Variants in ZFC3H1 observed in about 807,000 individuals in gnomAD.
ZFC3H1 encodes the protein zinc finger C3H1-type containing.
A neutral mutation model predicts 243.7 loss-of-function variants in ZFC3H1; 71 were observed. That is an observed-to-expected ratio of 0.29 (90% CI 0.24 to 0.36). The LOEUF is 0.36. ZFC3H1 is among the 10% of genes least tolerant of loss of function. ZFC3H1 has a pLI of 1.00. For synonymous variants in ZFC3H1, 838 were observed against 813.0 expected, an observed-to-expected ratio of 1.03 and a Z score of -0.52; for missense variants, 1,966 against 2,317.1, an observed-to-expected ratio of 0.85 and a Z score of 3.11.
chr12:71,629,376 AG>A (rs1264436580), intron 19 of ZFC3H1, among the ~76,000 whole-genome samples: 23 of 152,166 alleles, frequency 1.5e-4, no homozygotes, highest in Admixed American at 1.2e-3. Flanking sequence ...CATGTTGGCC[AG>A]GCTGGTCTCG....
At position 71,638,529 on chromosome 12, in the gene ZFC3H1, T is replaced by G; in HGVS notation, c.1628-14A>C. 1 of 1,586,234 alleles carries G rather than the reference T, an allele frequency of 6.3e-7. No individual in the cohort carries two copies. The stretch of plus-strand genomic sequence containing the variant: ...CTGGTGAAGGAGCTGTAAAAAAATT[T>G]TTTGTTAAGAGTTTAATAACAGAAA... On this transcript the variant is annotated splice_polypyrimidine_tract_variant and intron_variant, in intron 6 of 34. Coordinates refer to ENST00000378743, the MANE Select transcript of ZFC3H1 (RefSeq NM_144982.5).
rs757891770 is a variant in ZFC3H1 at position 71,627,947 on chromosome 12, A to G, written c.3947-13T>C. 1.2e-6 allele frequency: 2 copies of G among 1,608,364 alleles called. No homozygotes were observed. Among genetic ancestry groups the G allele is most frequent in the Non-Finnish European group, 8.5e-7 (1 of 1,178,648 alleles). On this transcript the variant is annotated splice_polypyrimidine_tract_variant and intron_variant, in intron 20 of 34. Transcript: ENST00000378743. ...TCTGGCTGGAAAGCTATTTAAAAAA[A>G]AAGTATTATTAGCTTCACATTTTCT...
At chr12:71,648,426 C>A (rs932667702) in intron 2 of ZFC3H1, among the ~76,000 whole-genome samples, 1 of 152,168 alleles carries the variant, frequency 6.6e-6, no homozygotes, top group Non-Finnish European at 1.5e-5. Context: ...TTAAACATCA[C>A]ATGATAAAGT....
intron 2 of ZFC3H1, chr12:71,656,550 C>A: frequency 1.5e-6 from 1 of 653,920 alleles, no homozygotes; most frequent in Non-Finnish European, 2.7e-6. Flanking sequence ...CCTCCTTTAC[C>A]CGATAAGGGA....
At chr12:71,617,934 T>C (rs773127363) in intron 27 of ZFC3H1, among the ~76,000 whole-genome samples, 10 of 152,116 alleles carry the variant, frequency 6.6e-5, no homozygotes, top group Admixed American at 1.3e-4. Context: ...GGGAATAGTG[T>C]CCCCAAATCT....
In ZFC3H1 at chr12:71,656,936, C is replaced by CT; in HGVS notation, c.963dup (p.Asp322ArgfsTer14). On this transcript the variant is annotated frameshift_variant, in exon 2 of 35. Transcript: ENST00000378743. LOFTEE classifies it high-confidence loss of function. ...TTCAGGGAAAGTGGTTTTGCTCCAT[C>CT]TTTAACTTTTTTCAAACGGTTCTTA... is the stretch of plus-strand genomic sequence containing the variant. 1 of 1,613,736 alleles carries CT rather than the reference C, an allele frequency of 6.2e-7. No individual in the cohort carries two copies. Among genetic ancestry groups the CT allele is most frequent in the Non-Finnish European group, 8.5e-7 (1 of 1,179,864 alleles).
intron 2 of ZFC3H1, among the ~76,000 whole-genome samples, chr12:71,651,037 C>T (rs1179723802): frequency 1.3e-5 from 2 of 152,076 alleles, no homozygotes; most frequent in South Asian, 2.1e-4. Flanking sequence ...TCAGCGATGC[C>T]CAAACTTCAG....
chr12:71,613,430 A>C lies in ZFC3H1; in HGVS notation c.5532T>G (p.Ile1844Met), dbSNP rs1879821118. The C allele has an allele frequency of 7.5e-6, 12 of 1,604,274 alleles. No individual in the cohort carries two copies. The highest frequency in any genetic ancestry group is 1.0e-5 in the Non-Finnish European group (12 of 1,174,222). ...WSNYEFHNRV[I>M]FFYLSCVPKT... ...TTGGAACACAGCTCAAATAAAAGAA[A>C]ATAACCTGTAAAGGTTGAGGGGGGC... Residue 1844 changes from isoleucine (I) to methionine (M), a missense_variant, in exon 31 of 35, where the codon ATT (isoleucine) becomes ATG (methionine). Around this residue, in one of 4 missense-constraint regions of ZFC3H1, gnomAD observed 1,383 missense variants for 1,723.7 expected, o/e 0.80. Coordinates refer to ENST00000378743, the MANE Select transcript of ZFC3H1 (RefSeq NM_144982.5).
intron 2 of ZFC3H1, among the ~76,000 whole-genome samples, chr12:71,652,067 G>C (rs180827823): frequency 1.7e-3 from 252 of 152,236 alleles, no homozygotes; most frequent in African/African-American, 5.7e-3. Context: ...TGAGTAAAAG[G>C]CCTGCAAAAA....
At chr12:71,654,910 T>C (rs1880979529) in intron 2 of ZFC3H1, among the ~76,000 whole-genome samples, 1 of 152,100 alleles carries the variant, frequency 6.6e-6, no homozygotes, top group Non-Finnish European at 1.5e-5. Flanking sequence ...TAAGACAAAA[T>C]AGTCTTTTAG....
chr12:71,615,195 G>A lies in ZFC3H1; in HGVS notation c.5255+11C>T. On this transcript the variant is annotated intron_variant, in intron 28 of 34. Coordinates refer to ENST00000378743, the MANE Select transcript of ZFC3H1 (RefSeq NM_144982.5). ...CTAGTATGCAATATCTCTCCACAGT[G>A]GATGTCTCACCAGTAAATCAGCCAC... 6.3e-7 allele frequency: 1 copy of A among 1,580,814 alleles called. No homozygotes were observed. Among genetic ancestry groups the A allele is most frequent in the Non-Finnish European group, 8.7e-7 (1 of 1,152,000 alleles).
intron 9 of ZFC3H1, among the ~76,000 whole-genome samples, chr12:71,636,183 T>C (rs1252033964): frequency 6.6e-6 from 1 of 152,164 alleles, no homozygotes; most frequent in East Asian, 1.9e-4. Flanking sequence ...TCCAAAAAGA[T>C]AGAAAATCTG....
chr12:71,619,928 G>A lies in ZFC3H1; in HGVS notation c.5047C>T (p.Gln1683Ter). Residue 1683 changes from glutamine (Q) to a stop codon, truncating the protein, a stop_gained and splice_region_variant, in exon 26 of 35, where the codon CAG becomes TAG. Coordinates refer to ENST00000378743, the MANE Select transcript of ZFC3H1 (RefSeq NM_144982.5). LOFTEE classifies it high-confidence loss of function. ...TAAGAATTATGCATCATTTTTACCT[G>A]TAAGATGAAGAATTTGCACATATGA... Reference protein sequence around the residue: ...FYHMCKFFILQNRGDNLLPFL... With the variant: ...FYHMCKFFIL The A allele has an allele frequency of 6.3e-7, 1 of 1,579,148 alleles. No individual in the cohort carries two copies. Among genetic ancestry groups the A allele is most frequent in the Non-Finnish European group, 8.6e-7 (1 of 1,162,318 alleles).
At chr12:71,643,359 G>T (rs1294921187) in intron 5 of ZFC3H1, among the ~76,000 whole-genome samples, 1 of 151,456 alleles carries the variant, frequency 6.6e-6, no homozygotes, top group African/African-American at 2.4e-5. Context: ...GTTGCAGTGA[G>T]CCGAAACATG....
Position 71,642,469 on chromosome 12 carries a change from C to G in ZFC3H1, c.1594G>C (p.Ala532Pro). The change falls in exon 6 of 35, where the codon GCT becomes CCT. Residue 532 changes from alanine (A) to proline (P), a missense_variant. This residue lies in a region of ZFC3H1 where 1,383 missense variants were observed against 1,723.7 expected (regional missense o/e 0.80). Transcript: ENST00000378743. ...CTGGTTTCACTATCTGTATCCATAG[C>G]AACTTCTTCATAGTTATCATACTGA... ...IYQYDNYEEV[A>P]MDTDSETSSP... 6.2e-7 allele frequency: 1 copy of G among 1,613,180 alleles called. No individual in the cohort carries two copies. The highest frequency in any genetic ancestry group is 8.5e-7 in the Non-Finnish European group (1 of 1,179,592).
Position 71,647,749 on chromosome 12 carries a change from CT to C in ZFC3H1, c.1079del (p.Lys360ArgfsTer34). ...ATAGTCTCACAAAGCAGTATCTTAC[CT>C]TTTCAGACAGAATATCTGAGGTACT... ...RISTSDILSE[K>X]KLGEDEEELS... is the part of the protein sequence containing the mutation. On this transcript the variant is annotated frameshift_variant and splice_region_variant, in exon 3 of 35. Transcript: ENST00000378743. LOFTEE classifies it high-confidence loss of function. 2 of 1,474,068 alleles carry C rather than the reference CT, an allele frequency of 1.4e-6. No homozygotes were observed. The highest frequency in any genetic ancestry group is 1.2e-5 in the South Asian group (1 of 80,620). The allele number at this position is 1,474,068 out of a possible 1,614,324, so 91.3% of individuals were successfully genotyped here. A position where few individuals can be genotyped will look rare whatever the true frequency, so the allele number is the denominator to read the frequency against.
At chr12:71,629,059 T>G (rs1188297851) in intron 19 of ZFC3H1, 22 bp from the exon 20 acceptor site, 1 of 1,572,680 alleles carries the variant, frequency 6.4e-7, no homozygotes, top group Non-Finnish European at 8.6e-7. Context: ...AGGAGAAGAT[T>G]GTTAATTGAT....
rs771573299 is a variant in ZFC3H1 at position 71,656,931 on chromosome 12, T to C, written c.969A>G (p.Gly323=). ...CGGATTTCAGGGAAAGTGGTTTTGC[T>C]CCATCTTTAACTTTTTTCAAACGGT... ...DKNRLKKVKD[G]AKPLSLKSDT... Residue 323 remains glycine, a synonymous_variant, in exon 2 of 35, where the codon GGA becomes GGG. Coordinates refer to ENST00000378743, the MANE Select transcript of ZFC3H1 (RefSeq NM_144982.5). 1.2e-6 allele frequency: 2 copies of C among 1,613,648 alleles called. No homozygotes were observed. The highest frequency in any genetic ancestry group is 1.7e-6 in the Non-Finnish European group (2 of 1,179,820).
At chr12:71,654,623 AG>A (rs1184513020) in intron 2 of ZFC3H1, among the ~76,000 whole-genome samples, 2 of 152,192 alleles carry the variant, frequency 1.3e-5, no homozygotes, top group African/African-American at 4.8e-5. Flanking sequence ...CCAGAAATTT[AG>A]TATCCAACTT....
Sources: gnomAD v4.1 joint callset for allele counts (sites outside exome capture counted in the v4.1 genomes callset) on GRCh38, gnomAD v4.1.1 for gene constraint, gnomAD v4.1.1 regional missense constraint, MANE v1.5 for transcripts, NCBI Gene and HGNC (gene_info 2026-07-23, HGNC 2026-07-21) for gene names.